VPS50: variants seen among roughly 807,000 people sequenced by gnomAD.
The protein encoded by VPS50 is VPS50 subunit of EARP/GARPII complex, also known as syndetin.
A neutral mutation model predicts 139.7 loss-of-function variants in VPS50; 70 were observed. That is an observed-to-expected ratio of 0.50 (90% CI 0.41 to 0.61). VPS50 has a LOEUF of 0.61. Ranked by LOEUF, VPS50 falls within the 20% of genes least tolerant of loss-of-function variation. VPS50 has a pLI of 0.00. For synonymous variants in VPS50, 365 were observed against 376.7 expected (o/e 0.97, Z 0.36); for missense variants, 921 against 1,133.7 (o/e 0.81, Z 2.69).
rs1458271326 is a variant in VPS50, at chr7:93,256,731, T to G, written c.351+169T>G. ...TGTATGTATATTTTTCTTTTTCTTT[T>G]GGGGTAATTTACCAAACTGAAGAAG... On this transcript the variant is annotated intron_variant, in intron 5 of 27. Transcript: ENST00000305866. 3.9e-5 allele frequency among the ~76,000 whole-genome samples: 6 copies of G among 152,100 alleles called. No homozygotes were observed. In the East Asian group the frequency reaches 9.6e-4, roughly 24 times the overall value.
intron 16 of VPS50, among the ~76,000 whole-genome samples, chr7:93,298,863 G>A (rs988411672): frequency 6.6e-5 from 10 of 152,282 alleles, no homozygotes; most frequent in Middle Eastern, 3.4e-3. Flanking sequence ...TTGAGTAATA[G>A]TAGACTTGGG....
chr7:93,352,944 A>G (rs536566272), intron 25 of VPS50, among the ~76,000 whole-genome samples: 3 of 152,292 alleles, frequency 2.0e-5, no homozygotes, highest in South Asian at 2.1e-4. Flanking sequence ...CAGTATTTCA[A>G]ATAATCCAGA....
chr7:93,254,287 T>C (rs1177510498), intron 4 of VPS50, among the ~76,000 whole-genome samples: 1 of 152,224 alleles, frequency 6.6e-6, no homozygotes, highest in East Asian at 1.9e-4. Context: ...TTTTGTTTTT[T>C]GAGACAGGGT....
intron 19 of VPS50, among the ~76,000 whole-genome samples, chr7:93,310,195 A>G (rs1263936626): frequency 1.3e-5 from 2 of 152,008 alleles, no homozygotes; most frequent in African/African-American, 2.4e-5. Context: ...ATATACCTCC[A>G]TTTTTGGTAG....
intron 2 of VPS50, among the ~76,000 whole-genome samples, chr7:93,246,657 T>A (rs963312599): frequency 6.6e-6 from 1 of 151,850 alleles, no homozygotes; most frequent in African/African-American, 2.4e-5. Flanking sequence ...TTTATAAAAG[T>A]GAATAGAATT....
intron 22 of VPS50, among the ~76,000 whole-genome samples, chr7:93,339,515 C>T (rs1798156493): frequency 6.6e-6 from 1 of 152,008 alleles, no homozygotes; most frequent in Non-Finnish European, 1.5e-5. Flanking sequence ...AGTAATCTAG[C>T]TTTATATTTT....
At position 93,342,729 on chromosome 7, in the gene VPS50, C is replaced by T. The variant is rs377109627; in HGVS notation, c.2207+1154C>T. On this transcript the variant is annotated intron_variant, in intron 23 of 27. Transcript: ENST00000305866. ...ACCCCCCAGCAGGGGCACACTGACA[C>T]CTCACACGACTGGGTACTCCAACAG... 1.6e-4 allele frequency among the ~76,000 whole-genome samples: 25 copies of T among 152,310 alleles called. No homozygotes were observed. The East Asian group carries it at 4.2e-3, about 26-fold the overall frequency.
intron 20 of VPS50, among the ~76,000 whole-genome samples, chr7:93,312,809 C>T (rs938439078): frequency 3.3e-5 from 5 of 152,080 alleles, no homozygotes; most frequent in African/African-American, 1.2e-4. Context: ...TTTTCAGGCT[C>T]CATGGGCTCA....
At chr7:93,271,191 A>G (rs1480687171) in intron 9 of VPS50, 29 bp from the exon 10 acceptor site, 1 of 1,558,714 alleles carries the variant, frequency 6.4e-7, no homozygotes, top group Non-Finnish European at 8.6e-7. Flanking sequence ...TCAGAAATAG[A>G]AAAAAACTGT....
intron 20 of VPS50, 95 bp downstream of exon 20, chr7:93,311,367 A>C: frequency 1.4e-6 from 1 of 702,364 alleles, no homozygotes; most frequent in Admixed American, 2.3e-5. Flanking sequence ...TGTATACTCC[A>C]GTGCTCTATG....
intron 2 of VPS50, among the ~76,000 whole-genome samples, chr7:93,243,722 A>G (rs931828180): frequency 1.8e-4 from 28 of 151,948 alleles, no homozygotes; most frequent in African/African-American, 6.5e-4. Flanking sequence ...TATTTGTTAT[A>G]ATATATGATA....
chr7:93,344,781 A>G (rs575746634), intron 23 of VPS50, among the ~76,000 whole-genome samples: 5 of 152,124 alleles, frequency 3.3e-5, no homozygotes, highest in African/African-American at 9.7e-5. Flanking sequence ...TGAAACCAAC[A>G]AGAACAAAGA....
intron 24 of VPS50, 75 bp downstream of exon 24, chr7:93,348,882 GTT>G: frequency 9.5e-7 from 1 of 1,050,040 alleles, no homozygotes; most frequent in Non-Finnish European, 1.4e-6. Context: ...ATTTTTTGTT[GTT>G]TTTTTTAACT....
intron 20 of VPS50, among the ~76,000 whole-genome samples, chr7:93,313,417 A>G (rs995391565): frequency 4.6e-5 from 7 of 152,208 alleles, no homozygotes; most frequent in East Asian, 3.8e-4. Context: ...TTTACGCTGA[A>G]GGCATATTTT....
At chr7:93,308,746 A>G (rs1338905705) in intron 18 of VPS50, 78 bp from the exon 19 acceptor site, 3 of 633,866 alleles carry the variant, frequency 4.7e-6, no homozygotes, top group Non-Finnish European at 8.5e-6. Flanking sequence ...TATAAAACTG[A>G]GTACTTTCAC....
At chr7:93,302,143 C>T (rs1328633086) in intron 16 of VPS50, among the ~76,000 whole-genome samples, 2 of 152,076 alleles carry the variant, frequency 1.3e-5, no homozygotes, top group African/African-American at 2.4e-5. Flanking sequence ...AAGTTTTCTA[C>T]TTTTAGTTCT....
intron 9 of VPS50, among the ~76,000 whole-genome samples, chr7:93,261,725 G>A (rs1265350469): frequency 6.8e-6 from 1 of 147,154 alleles, no homozygotes; most frequent in Non-Finnish European, 1.5e-5. Context: ...AGAGAAGGAA[G>A]TTGTGCATAC....
chr7:93,276,509 T>G (rs1796158354), intron 12 of VPS50: 3 of 722,514 alleles, frequency 4.2e-6, no homozygotes, highest in Middle Eastern at 8.9e-4. Flanking sequence ...TTACTGAGAT[T>G]GGAGCATGAT....
rs79913279 is a variant in VPS50 at position 93,261,854 on chromosome 7, C to T, written c.659+2222C>T. Among the ~76,000 whole-genome samples the T allele has an allele frequency of 9.2e-3, 1,397 of 152,198 alleles. 10 individuals carry two copies. The highest frequency in any genetic ancestry group is 0.016 in the Non-Finnish European group (1,060 of 67,994). On this transcript the variant is annotated intron_variant, in intron 9 of 27. Transcript: ENST00000305866. ...AGAGTTGTGAATAGGAAACTGTCTA[C>T]ACCAGAAATGAAATCTTTGTTGCGG...
Sources: gnomAD v4.1 joint callset for allele counts (sites outside exome capture counted in the v4.1 genomes callset) on GRCh38, gnomAD v4.1.1 for gene constraint, MANE v1.5 for transcripts, NCBI Gene and HGNC (gene_info 2026-07-23, HGNC 2026-07-21) for gene names.